The following JUP variants were observed in gnomAD, a reference collection of about 807,000 sequenced individuals.
The protein encoded by JUP is catenin (cadherin-associated protein), gamma 80kDa.
A neutral mutation model predicts 71.1 loss-of-function variants in JUP; 28 were observed. The observed-to-expected ratio is 0.39, with a 90% CI of 0.29 to 0.54. The LOEUF is 0.54. JUP is among the 20% of genes least tolerant of loss of function. The pLI is 0.62. For missense variants in JUP, 869 were observed against 1,030.1 expected (o/e 0.84, Z 2.14); for synonymous variants, 401 against 438.9 (o/e 0.91, Z 1.08).
rs372887724 is a variant in JUP at position 41,768,142 on chromosome 17, T to C, written c.708-562A>G. Among the ~76,000 whole-genome samples the C allele has an allele frequency of 1.8e-4, 28 of 152,256 alleles. No individual in the cohort carries two copies. The South Asian group carries it at 5.8e-3, about 32-fold the overall frequency. ...AGCTGGGCATGGTGGCAGACGCCTATAATCCCAGCACTTTGGGAGGCCAAG... is the reference window on the plus strand; with the variant it reads ...AGCTGGGCATGGTGGCAGACGCCTACAATCCCAGCACTTTGGGAGGCCAAG... On this transcript the variant is annotated intron_variant, in intron 4 of 13. Coordinates refer to ENST00000393931, the MANE Select transcript of JUP (RefSeq NM_002230.4).
chr17:41,771,479 G>C, intron 2 of JUP, 168 bp downstream of exon 2: 1 of 645,606 alleles, frequency 1.5e-6, no homozygotes, highest in South Asian at 1.8e-5. Flanking sequence ...GCAGCACCCT[G>C]AAGTAGCTGC....
In JUP at chr17:41,756,406, G is replaced by A. The variant is rs570776524; in HGVS notation, c.2047-192C>T. ...GAGGTCAGGAGTTCCAGACCAGCCT[G>A]GCCAACATGGTGAAACCCTGTCTCT... is the stretch of plus-strand genomic sequence containing the variant. On this transcript the variant is annotated intron_variant, in intron 12 of 13. Coordinates refer to ENST00000393931, the MANE Select transcript of JUP (RefSeq NM_002230.4). Among the ~76,000 whole-genome samples the A allele has an allele frequency of 5.9e-5, 9 of 151,880 alleles. No homozygotes were observed. The South Asian group carries it at 1.9e-3, about 32-fold the overall frequency.
intron 1 of JUP, among the ~76,000 whole-genome samples, chr17:41,773,883 A>G (rs1555607860): frequency 2.6e-5 from 4 of 152,232 alleles, no homozygotes; most frequent in Non-Finnish European, 5.9e-5. Flanking sequence ...TAAACACGGT[A>G]GCAATAACCC....
intron 8 of JUP, among the ~76,000 whole-genome samples, chr17:41,760,480 G>C (rs1355419045): frequency 6.6e-6 from 1 of 151,448 alleles, no homozygotes; most frequent in Non-Finnish European, 1.5e-5. Flanking sequence ...GGATGGTCTC[G>C]ATCTCCTGAC....
In JUP at chr17:41,764,775, G is replaced by C. The variant is rs782690097; in HGVS notation, c.1096C>G (p.Pro366Ala). Residue 366 changes from proline to alanine, a missense_variant, in exon 7 of 14, where the codon CCC becomes GCC. By Grantham distance (27) the Pro-to-Ala change is conservative. Coordinates refer to ENST00000393931, the MANE Select transcript of JUP (RefSeq NM_002230.4). ...ALGKHLTSNS[P>A]RLVQNCLWTL... ...CACAGGCAGTTCTGCACCAGGCGGG[G>C]GCTGTTGCTGGTCAGGTGCTTGCCC... 1.2e-6 allele frequency: 2 copies of C among 1,613,568 alleles called. No individual in the cohort carries two copies. The highest frequency in any genetic ancestry group is 1.7e-6 in the Non-Finnish European group (2 of 1,179,972).
In JUP at chr17:41,769,068, C is replaced by A. The variant is rs200221163; in HGVS notation, c.608G>T (p.Arg203Leu). The A allele has an allele frequency of 6.2e-7, 1 of 1,612,998 alleles. No individual in the cohort carries two copies. Among genetic ancestry groups the A allele is most frequent in the Non-Finnish European group, 8.5e-7 (1 of 1,179,824 alleles). The change falls in exon 4 of 14, where the codon CGC (arginine) becomes CTC (leucine). Residue 203 changes from arginine to leucine, a missense_variant. Transcript: ENST00000393931. ...MQNTSDLDTA[R>L]CTTSILHNLS... ...GTTGTGCAGGATGCTGGTGGTGCAGCGGGCTGTGTCCAGGTCGCTGGTATT... is the reference window on the plus strand; with the variant it reads ...GTTGTGCAGGATGCTGGTGGTGCAGAGGGCTGTGTCCAGGTCGCTGGTATT...
intron 1 of JUP, among the ~76,000 whole-genome samples, chr17:41,779,331 CA>C (rs1212486859): frequency 1.5e-5 from 2 of 136,402 alleles, no homozygotes; most frequent in East Asian, 2.1e-4. Flanking sequence ...CTAAACTTCC[CA>C]ATTTTTTTTT....
chr17:41,769,368 CTCT>C (rs782014362), intron 3 of JUP, 47 bp downstream of exon 3: 1 of 1,585,220 alleles, frequency 6.3e-7, no homozygotes, highest in Non-Finnish European at 8.6e-7. Context: ...AGGACATCTG[CTCT>C]CTCCCCTCCC....
In JUP at chr17:41,768,959, G is replaced by C; in HGVS notation, c.707+10C>G. Reference sequence around the variant, plus strand: ...GGTCCTGGGCTCATGCAGTGAGCAGGGTTGGGTACCTGAGCATGCGGACCA... The same window carrying C: ...GGTCCTGGGCTCATGCAGTGAGCAGCGTTGGGTACCTGAGCATGCGGACCA... On this transcript the variant is annotated intron_variant, in intron 4 of 13. Coordinates refer to ENST00000393931, the MANE Select transcript of JUP (RefSeq NM_002230.4). The C allele has an allele frequency of 6.3e-7, 1 of 1,593,308 alleles. No individual in the cohort carries two copies. The highest frequency in any genetic ancestry group is 8.6e-7 in the Non-Finnish European group (1 of 1,168,642).
intron 1 of JUP, chr17:41,772,379 G>A (rs1916813229): frequency 8.2e-6 from 2 of 244,992 alleles, no homozygotes; most frequent in South Asian, 1.1e-4. Flanking sequence ...GGTTTCTCTG[G>A]AGCGCCCCAG....
intron 2 of JUP, among the ~76,000 whole-genome samples, chr17:41,770,225 C>A (rs1209648554): frequency 6.6e-6 from 1 of 151,300 alleles, no homozygotes; most frequent in Non-Finnish European, 1.5e-5. Flanking sequence ...CAGAGAACCA[C>A]CAACATCACA....
chr17:41,755,996 T>A, intron 13 of JUP, 101 bp from the exon 14 acceptor site: 7 of 1,375,726 alleles, frequency 5.1e-6, no homozygotes, highest in Non-Finnish European at 6.8e-6. Flanking sequence ...TGCCCACCCC[T>A]GGTGGGCCTG....
At position 41,771,881 on chromosome 17, in the gene JUP, A is replaced by G. The variant is rs1373849218; in HGVS notation, c.-8-19T>C. ...GTGGCTACTGGGGGCACAAAGGAGG[A>G]AGTCAGGAAGCAGGAAGTCACCTGG... On this transcript the variant is annotated intron_variant, in intron 1 of 13. Transcript: ENST00000393931. The G allele has an allele frequency of 6.3e-7, 1 of 1,585,570 alleles. No homozygotes were observed. The highest frequency in any genetic ancestry group is 8.6e-7 in the Non-Finnish European group (1 of 1,165,236).
At chr17:41,769,891 T>G (rs1916372750) in intron 2 of JUP, among the ~76,000 whole-genome samples, 1 of 144,364 alleles carries the variant, frequency 6.9e-6, no homozygotes, top group African/African-American at 2.6e-5. Flanking sequence ...CCCCACATGT[T>G]CTGTCCATCA....
chr17:41,784,575 G>C (rs945631021), intron 1 of JUP, among the ~76,000 whole-genome samples: 6 of 152,142 alleles, frequency 3.9e-5, no homozygotes, highest in Non-Finnish European at 8.8e-5. Context: ...AAGAGGGAAA[G>C]CAGGTTATTT....
chr17:41,778,529 C>T (rs372307663), intron 1 of JUP, among the ~76,000 whole-genome samples: 1 of 147,524 alleles, frequency 6.8e-6, no homozygotes, highest in African/African-American at 2.5e-5. Context: ...ATCTGCACTC[C>T]AGCCTGGGCA....
chr17:41,768,857 T>C, intron 4 of JUP, 112 bp downstream of exon 4: 1 of 881,738 alleles, frequency 1.1e-6, no homozygotes, highest in Non-Finnish European at 1.8e-6. Flanking sequence ...GGTGTGCTTC[T>C]GCCTGGCACA....
intron 8 of JUP, among the ~76,000 whole-genome samples, chr17:41,759,969 T>C (rs995202424): frequency 6.6e-5 from 10 of 151,758 alleles, no homozygotes; most frequent in Non-Finnish European, 1.3e-4. Flanking sequence ...ATCCTAGCAC[T>C]TTGGGAGGCC....
At chr17:41,780,475 C>T (rs2047106668) in intron 1 of JUP, among the ~76,000 whole-genome samples, 1 of 149,718 alleles carries the variant, frequency 6.7e-6, no homozygotes, top group Non-Finnish European at 1.5e-5. Context: ...GGGTGGATCA[C>T]TTGAGGTCAG....
Sources: gnomAD v4.1 joint callset for allele counts (sites outside exome capture counted in the v4.1 genomes callset) on GRCh38, gnomAD v4.1.1 for gene constraint, MANE v1.5 for transcripts, NCBI Gene and HGNC (gene_info 2026-07-23, HGNC 2026-07-21) for gene names.